SPTBN1: variants seen among roughly 807,000 people sequenced by gnomAD.
The protein encoded by SPTBN1 is spectrin beta, non-erythrocytic 1.
SPTBN1 carries 32 observed loss-of-function variants against 266.4 expected under a neutral mutation model. The observed-to-expected ratio is 0.12, with a 90% CI of 0.09 to 0.16. SPTBN1 has a LOEUF of 0.16. Ranked by LOEUF, SPTBN1 falls within the 10% of genes least tolerant of loss-of-function variation. SPTBN1 has a pLI of 1.00. For missense variants in SPTBN1, 2,296 were observed against 3,067.1 expected (o/e 0.75, Z 5.94); for synonymous variants, 1,336 against 1,162.2 (o/e 1.15, Z -3.04).
chr2:54,531,759 C>G (rs868318632), intron 2 of SPTBN1, among the ~76,000 whole-genome samples: 3 of 152,046 alleles, frequency 2.0e-5, no homozygotes, highest in Non-Finnish European at 4.4e-5. Flanking sequence ...CAGTCTGATT[C>G]ATATCTGCGT....
intron 31 of SPTBN1, 147 bp from the exon 32 acceptor site, chr2:54,659,788 TG>T (rs1290256856): frequency 6.9e-6 from 10 of 1,442,300 alleles, no homozygotes; most frequent in Non-Finnish European, 9.1e-6. Flanking sequence ...TTAAAACACT[TG>T]GAAGTTTCAG....
intron 1 of SPTBN1, among the ~76,000 whole-genome samples, chr2:54,499,866 G>A (rs1011609532): frequency 1.6e-4 from 25 of 152,164 alleles, no homozygotes; most frequent in African/African-American, 5.5e-4. Context: ...ACAGAGTTTT[G>A]GCTAACTTTT....
intron 1 of SPTBN1, among the ~76,000 whole-genome samples, chr2:54,500,403 A>T (rs1026100129): frequency 6.6e-6 from 1 of 151,426 alleles, no homozygotes; most frequent in Admixed American, 6.6e-5. Context: ...TTTTTTTTTC[A>T]TCTCGATCCA....
Position 54,612,340 on chromosome 2 carries a change from G to T in SPTBN1, c.474+6G>T. 1 of 1,609,690 alleles carries T rather than the reference G, an allele frequency of 6.2e-7. No individual in the cohort carries two copies. The highest frequency in any genetic ancestry group is 8.5e-7 in the Non-Finnish European group (1 of 1,177,246). ...CCATCATCCTGCGCTTCCAGGTAAG[G>T]GTCTCTGCCCAGGGTTGCTCAGAAC... On this transcript the variant is annotated splice_donor_region_variant and intron_variant, in intron 4 of 35. Transcript: ENST00000356805.
intron 3 of SPTBN1, among the ~76,000 whole-genome samples, chr2:54,607,922 T>C (rs1039795259): frequency 6.6e-6 from 1 of 152,208 alleles, no homozygotes; most frequent in Non-Finnish European, 1.5e-5. Flanking sequence ...CTGGACAGAC[T>C]TAAAATGGCC....
At chr2:54,650,519 C>G (rs1026024508) in intron 26 of SPTBN1, among the ~76,000 whole-genome samples, 12 of 152,156 alleles carry the variant, frequency 7.9e-5, no homozygotes, top group Admixed American at 7.9e-4. Flanking sequence ...GATCTCTGCA[C>G]AGTTTCTTGT....
At chr2:54,598,610 C>G (rs959967627) in intron 2 of SPTBN1, among the ~76,000 whole-genome samples, 1 of 152,174 alleles carries the variant, frequency 6.6e-6, no homozygotes. Context: ...ATTTCCTACC[C>G]TACACCCTTT....
chr2:54,545,491 T>C (rs1672187807), intron 2 of SPTBN1: 1 of 152,256 alleles, frequency 6.6e-6, no homozygotes, highest in African/African-American at 2.4e-5. Context: ...AAGTGATAGA[T>C]ACTAGCTGAA....
At chr2:54,661,565 TG>T (rs1013334236) in intron 32 of SPTBN1, 8 of 985,856 alleles carry the variant, frequency 8.1e-6, no homozygotes, top group Non-Finnish European at 9.6e-6. Flanking sequence ...TCTTATGTTC[TG>T]GGGGTAGTAT....
At chr2:54,569,853 T>C (rs1673932892) in intron 2 of SPTBN1, among the ~76,000 whole-genome samples, 1 of 152,172 alleles carries the variant, frequency 6.6e-6, no homozygotes, top group Non-Finnish European at 1.5e-5. Flanking sequence ...AGGGTGAGCC[T>C]TGTAAACTTG....
chr2:54,465,020 AG>A (rs1485773931), intron 1 of SPTBN1, among the ~76,000 whole-genome samples: 1 of 152,216 alleles, frequency 6.6e-6, no homozygotes, highest in Non-Finnish European at 1.5e-5. Context: ...TAATCAAAAA[AG>A]CAATCAACAC....
At chr2:54,552,025 A>G (rs1260958520) in intron 2 of SPTBN1, among the ~76,000 whole-genome samples, 1 of 152,166 alleles carries the variant, frequency 6.6e-6, no homozygotes, top group Non-Finnish European at 1.5e-5. Flanking sequence ...GGGCTGAGTT[A>G]AAGAGAAGGG....
At chr2:54,667,559 T>A in intron 34 of SPTBN1, 45 bp from the exon 35 acceptor site, 1 of 1,588,664 alleles carries the variant, frequency 6.3e-7, no homozygotes, top group African/African-American at 1.3e-5. Flanking sequence ...GATTTTTATT[T>A]CTCTGTAATT....
At chr2:54,475,756 G>C (rs535470083) in intron 1 of SPTBN1, among the ~76,000 whole-genome samples, 15 of 152,130 alleles carry the variant, frequency 9.9e-5, no homozygotes, top group Non-Finnish European at 1.9e-4. Context: ...TACAGCCATC[G>C]GTAAGGCACA....
chr2:54,481,391 A>AGTGTGTGTGTGTGTGT (rs72077761), intron 1 of SPTBN1, among the ~76,000 whole-genome samples: 1 of 117,336 alleles, frequency 8.5e-6, no homozygotes, highest in Non-Finnish European at 1.8e-5. Flanking sequence ...CAGAAACCTG[A>AGTGTGTGTGTGTGTGT]GTGTGTGTGT....
At chr2:54,468,286 G>A (rs1693738889) in intron 1 of SPTBN1, among the ~76,000 whole-genome samples, 1 of 151,176 alleles carries the variant, frequency 6.6e-6, no homozygotes, top group Non-Finnish European at 1.5e-5. Context: ...CAGCCTGGGT[G>A]ACAGAGTGAG....
intron 2 of SPTBN1, among the ~76,000 whole-genome samples, chr2:54,572,440 C>CA (rs1490788607): frequency 2.0e-5 from 3 of 152,086 alleles, no homozygotes; most frequent in African/African-American, 7.2e-5. Flanking sequence ...TCTTTGTTTA[C>CA]AGAGATAACA....
intron 1 of SPTBN1, among the ~76,000 whole-genome samples, chr2:54,471,132 C>G (rs1020491495): frequency 1.3e-5 from 2 of 152,134 alleles, no homozygotes; most frequent in Admixed American, 1.3e-4. Flanking sequence ...GCCTGTAATC[C>G]CAGCACTTTT....
intron 5 of SPTBN1, among the ~76,000 whole-genome samples, chr2:54,616,544 C>T (rs1048628470): frequency 3.3e-5 from 5 of 152,162 alleles, no homozygotes; most frequent in African/African-American, 1.2e-4. Context: ...CTCCAGAGAG[C>T]ATTATATTTT....
Sources: gnomAD v4.1 joint callset for allele counts (sites outside exome capture counted in the v4.1 genomes callset) on GRCh38, gnomAD v4.1.1 for gene constraint, MANE v1.5 for transcripts, NCBI Gene and HGNC (gene_info 2026-07-23, HGNC 2026-07-21) for gene names.